The following ZNF618 variants were observed in gnomAD, a reference collection of about 807,000 sequenced individuals.
ZNF618 encodes the protein neural precursor cell expressed, developmentally down-regulated 10.
In ZNF618, 34 loss-of-function variants were observed where a neutral mutation model predicts 103.0. The ratio of observed to expected loss-of-function variants is 0.33; its 90% confidence interval spans 0.25 to 0.44. ZNF618 has a LOEUF of 0.44. Among genes scored for constraint, ZNF618 ranks in the 20% least tolerant of loss-of-function variants. The probability of loss-of-function intolerance (pLI) is 1.00; values close to 1 mark genes in which losing one functional copy is unlikely to be tolerated. For synonymous variants in ZNF618, 551 were observed against 542.2 expected, an observed-to-expected ratio of 1.02 and a Z score of -0.23; for missense variants, 1,059 against 1,295.4, an observed-to-expected ratio of 0.82 and a Z score of 2.80.
At chr9:113,879,214 G>C (rs1007679015) in intron 1 of ZNF618, among the ~76,000 whole-genome samples, 6 of 151,920 alleles carry the variant, frequency 3.9e-5, no homozygotes, top group Admixed American at 3.3e-4. Flanking sequence ...CAGGGTTGTA[G>C]ATAACAGGTT....
chr9:113,891,236 C>T (rs922905427), intron 1 of ZNF618, among the ~76,000 whole-genome samples: 4 of 152,086 alleles, frequency 2.6e-5, no homozygotes, highest in African/African-American at 7.2e-5. Flanking sequence ...AAAATATTTG[C>T]AAATCATATG....
chr9:113,957,829 C>G (rs1252286077), intron 1 of ZNF618, among the ~76,000 whole-genome samples: 1 of 151,328 alleles, frequency 6.6e-6, no homozygotes, highest in Non-Finnish European at 1.5e-5. Context: ...TACCCCCAAC[C>G]CCCACTTCCT....
Position 114,054,943 on chromosome 9 carries a change from C to T in ZNF618, c.*4776C>T, listed in dbSNP as rs1408190379. ...TCATGCCCCGTCCCTTCCCCCCCCA[C>T]CCCCCCGCCCACCCACCACGGGTGT... On this transcript the variant is annotated 3_prime_UTR_variant, in exon 15 of 15. Transcript: ENST00000374126. The T allele has an allele frequency of 2.2e-5, 3 of 134,448 alleles. No homozygotes were observed. The highest frequency in any genetic ancestry group is 8.1e-5 in the African/African-American group (3 of 37,016). 8.3% of individuals were successfully genotyped at this position (134,448 alleles called of 1,614,324 possible). A position where few individuals can be genotyped will look rare whatever the true frequency, so the allele number is the denominator to read the frequency against.
intron 1 of ZNF618, among the ~76,000 whole-genome samples, chr9:113,904,671 C>G (rs983713165): frequency 6.6e-6 from 1 of 152,210 alleles, no homozygotes; most frequent in African/African-American, 2.4e-5. Context: ...ATGGGCCTCA[C>G]TGGATTAAAA....
intron 1 of ZNF618, among the ~76,000 whole-genome samples, chr9:113,927,680 C>A (rs1422563935): frequency 6.6e-6 from 1 of 152,178 alleles, no homozygotes; most frequent in East Asian, 1.9e-4. Flanking sequence ...CATTTCCCTT[C>A]CCCCATATCA....
At chr9:113,901,195 A>C (rs940286389) in intron 1 of ZNF618, among the ~76,000 whole-genome samples, 4 of 152,102 alleles carry the variant, frequency 2.6e-5, no homozygotes, top group South Asian at 4.1e-4. Flanking sequence ...GCTGCGAGAG[A>C]GCGTTTGTTG....
chr9:114,034,553 C>G (rs1022102442), intron 12 of ZNF618, among the ~76,000 whole-genome samples: 3 of 152,214 alleles, frequency 2.0e-5, no homozygotes, highest in African/African-American at 7.2e-5. Flanking sequence ...CCATGGGGGT[C>G]AATGTTATTG....
intron 1 of ZNF618, among the ~76,000 whole-genome samples, chr9:113,900,565 C>T (rs1830429681): frequency 6.6e-6 from 1 of 151,724 alleles, no homozygotes; most frequent in Non-Finnish European, 1.5e-5. Flanking sequence ...GGCCAGAACC[C>T]GAGCTCCTGT....
At chr9:113,994,598 A>G (rs370670657) in intron 3 of ZNF618, among the ~76,000 whole-genome samples, 13 of 152,360 alleles carry the variant, frequency 8.5e-5, no homozygotes, top group African/African-American at 2.4e-4. Flanking sequence ...TTGAATGGTC[A>G]GTAGGTAGAA....
rs184715813 is a variant in ZNF618, at chr9:114,010,697, C to A, written c.754+2143C>A. Among the ~76,000 whole-genome samples, 14 of 152,250 alleles carry A rather than the reference C, an allele frequency of 9.2e-5. 1 individual carries two copies. The East Asian group carries it at 2.7e-3, about 29-fold the overall frequency. ...CCAGCCTGGTGACAGAGCAAGACTC[C>A]ATCTCAAAAAATAATTCCAAAGAAT... On this transcript the variant is annotated intron_variant, in intron 9 of 14. Transcript: ENST00000374126.
At chr9:113,913,456 A>G (rs1370501656) in intron 1 of ZNF618, among the ~76,000 whole-genome samples, 1 of 152,270 alleles carries the variant, frequency 6.6e-6, no homozygotes, top group Non-Finnish European at 1.5e-5. Context: ...AATGTTCTTT[A>G]GCCAGTATCC....
intron 1 of ZNF618, among the ~76,000 whole-genome samples, chr9:113,920,749 A>T (rs1832568070): frequency 6.6e-6 from 1 of 152,240 alleles, no homozygotes; most frequent in South Asian, 2.1e-4. Context: ...GGTGGTAAGG[A>T]TTAAATGAAA....
intron 13 of ZNF618, among the ~76,000 whole-genome samples, chr9:114,044,260 A>G (rs1479695949): frequency 6.6e-6 from 1 of 152,140 alleles, no homozygotes; most frequent in Non-Finnish European, 1.5e-5. Flanking sequence ...ATTCTTCCAC[A>G]TGTGGCTAGC....
intron 1 of ZNF618, among the ~76,000 whole-genome samples, chr9:113,945,777 T>C (rs1834964597): frequency 2.0e-5 from 3 of 152,106 alleles, no homozygotes; most frequent in Non-Finnish European, 4.4e-5. Context: ...AATATAGGGC[T>C]GGGGGGAGAA....
At chr9:113,913,055 A>T (rs1831704544) in intron 1 of ZNF618, among the ~76,000 whole-genome samples, 1 of 151,982 alleles carries the variant, frequency 6.6e-6, no homozygotes, top group Non-Finnish European at 1.5e-5. Context: ...AGGGCAAGTG[A>T]TCTATAAGGG....
At chr9:113,907,365 T>G (rs879612105) in intron 1 of ZNF618, among the ~76,000 whole-genome samples, 1 of 152,222 alleles carries the variant, frequency 6.6e-6, no homozygotes, top group Non-Finnish European at 1.5e-5. Context: ...GCAGCTCCAA[T>G]TGTTCATGGT....
intron 1 of ZNF618, among the ~76,000 whole-genome samples, chr9:113,893,269 C>T (rs1216992771): frequency 6.6e-6 from 1 of 152,172 alleles, no homozygotes; most frequent in Non-Finnish European, 1.5e-5. Flanking sequence ...ATGCTATGGA[C>T]GTGCCAGTAT....
chr9:114,003,041 C>T (rs992424245), intron 6 of ZNF618, among the ~76,000 whole-genome samples: 3 of 152,198 alleles, frequency 2.0e-5, no homozygotes, highest in Admixed American at 2.0e-4. Context: ...TATGCGGGTC[C>T]TTGTGTTCTT....
chr9:113,988,390 G>T lies in ZNF618; in HGVS notation c.147G>T (p.Ser49=), dbSNP rs370799811. The change falls in exon 3 of 15, where the codon TCG becomes TCT. Residue 49 remains serine (S), a synonymous_variant. Coordinates refer to ENST00000374126, the MANE Select transcript of ZNF618 (RefSeq NM_001318042.2). ...CAGAGCCAGTGCCAGCCGAGGCCTC[G>T]CTGAGTGCCGAGCAAGGAACGATGA... is the stretch of plus-strand genomic sequence containing the variant. ...EGPEPVPAEA[S]LSAEQGTMTE... The T allele has an allele frequency of 7.3e-4, 1,173 of 1,613,502 alleles. 5 individuals are homozygous for T. Among genetic ancestry groups the T allele is most frequent in the South Asian group, 1.5e-3 (135 of 91,068 alleles).
Sources: gnomAD v4.1 joint callset for allele counts (sites outside exome capture counted in the v4.1 genomes callset) on GRCh38, gnomAD v4.1.1 for gene constraint, MANE v1.5 for transcripts, NCBI Gene and HGNC (gene_info 2026-07-23, HGNC 2026-07-21) for gene names.